Variants in RFX7 observed in about 807,000 individuals in gnomAD.
RFX7 encodes DNA-binding protein RFX7.
RFX7 carries 26 observed loss-of-function variants against 111.8 expected under a neutral mutation model. The observed-to-expected ratio is 0.23, with a 90% confidence interval of 0.17 to 0.32. The LOEUF is 0.32. Ranked by LOEUF, RFX7 falls within the 10% of genes least tolerant of loss-of-function variation. The pLI is 1.00. For missense variants in RFX7, 1,573 were observed against 1,772.9 expected (o/e 0.89, Z 2.02); for synonymous variants, 624 against 624.4 (o/e 1.00, Z 0.01).
chr15:56,112,786 A>G (rs774420618), intron 5 of RFX7, among the ~76,000 whole-genome samples: 1 of 152,150 alleles, frequency 6.6e-6, no homozygotes, highest in Non-Finnish European at 1.5e-5. Context: ...CAGAATTTAC[A>G]TGGGACTTAA....
chr15:56,114,277 G>T (rs535713523), intron 5 of RFX7, among the ~76,000 whole-genome samples: 2 of 151,962 alleles, frequency 1.3e-5, no homozygotes, highest in East Asian at 3.9e-4. Context: ...TGGGCATGGT[G>T]GTGGGCGCCT....
intron 3 of RFX7, among the ~76,000 whole-genome samples, chr15:56,170,718 C>T (rs2042836555): frequency 1.3e-5 from 2 of 152,170 alleles, no homozygotes; most frequent in Admixed American, 1.3e-4. Context: ...AACCACATTT[C>T]AAGTATTCGG....
At chr15:56,125,439 G>A (rs1209363840) in intron 5 of RFX7, among the ~76,000 whole-genome samples, 4 of 151,996 alleles carry the variant, frequency 2.6e-5, no homozygotes, top group Admixed American at 6.5e-5. Flanking sequence ...GACTGCTCTG[G>A]GTAGTATGGT....
At chr15:56,127,837 C>T (rs1208284556) in intron 5 of RFX7, among the ~76,000 whole-genome samples, 5 of 151,152 alleles carry the variant, frequency 3.3e-5, no homozygotes, top group African/African-American at 9.7e-5. Flanking sequence ...TGAGCCACTG[C>T]GCCCGGCCGA....
intron 4 of RFX7, among the ~76,000 whole-genome samples, chr15:56,144,010 G>A (rs545283371): frequency 6.6e-6 from 1 of 152,034 alleles, no homozygotes; most frequent in South Asian, 2.1e-4. Context: ...TTTATTTTCT[G>A]TTTTATATTC....
chr15:56,128,194 T>C (rs1191269620), intron 5 of RFX7, among the ~76,000 whole-genome samples: 1 of 152,172 alleles, frequency 6.6e-6, no homozygotes, highest in Non-Finnish European at 1.5e-5. Context: ...CAGTCTTTCA[T>C]AAACTCTTTG....
chr15:56,163,468 TC>T (rs1411574333), intron 3 of RFX7, among the ~76,000 whole-genome samples: 5 of 152,196 alleles, frequency 3.3e-5, no homozygotes, highest in African/African-American at 1.2e-4. Flanking sequence ...ACAACATTAT[TC>T]ATTTATATAT....
At chr15:56,150,059 T>C (rs2042547607) in intron 3 of RFX7, among the ~76,000 whole-genome samples, 1 of 152,036 alleles carries the variant, frequency 6.6e-6, no homozygotes, top group South Asian at 2.1e-4. Flanking sequence ...GGGTCGGCCA[T>C]TGCTGAAGCT....
In RFX7 at chr15:56,088,506, C is replaced by A. The variant is rs549573796; in HGVS notation, c.*4839G>T. Reference sequence around the variant, plus strand: ...CAAGAATTAAGTACTTCTTAAAAATCAAATCTTGAAAAATGTAGTCTTTTT... The same window carrying A: ...CAAGAATTAAGTACTTCTTAAAAATAAAATCTTGAAAAATGTAGTCTTTTT... On this transcript the variant is annotated 3_prime_UTR_variant, in exon 10 of 10. Transcript: ENST00000559447. The A allele has an allele frequency of 6.6e-6, 1 of 152,096 alleles. No homozygotes were observed. Among genetic ancestry groups the A allele is most frequent in the African/African-American group, 2.4e-5 (1 of 41,444 alleles). 9.4% of individuals were successfully genotyped at this position (152,096 alleles called of 1,614,324 possible). A position where few individuals can be genotyped will look rare whatever the true frequency, so the allele number is the denominator to read the frequency against.
Position 56,095,507 on chromosome 15 carries a change from C to G in RFX7, c.2221G>C (p.Asp741His). ...GTTGTTTGCTGTTCCAAAGCTGAAT[C>G]ACTGATAACAAGGGCAGAGGAATTC... ...PLNSSALVIS[D>H]SALEQQTTPS... Residue 741 changes from aspartate to histidine, a missense_variant, in exon 10 of 10, where the codon GAT becomes CAT. This residue lies in a region of RFX7 where 625 missense variants were observed against 632.2 expected (regional missense o/e 0.99). Transcript: ENST00000559447. 6.2e-7 allele frequency: 1 copy of G among 1,613,144 alleles called. No homozygotes were observed. The highest frequency in any genetic ancestry group is 8.5e-7 in the Non-Finnish European group (1 of 1,179,852).
At chr15:56,239,693 G>A (rs1041753714) in intron 2 of RFX7, among the ~76,000 whole-genome samples, 1 of 152,092 alleles carries the variant, frequency 6.6e-6, no homozygotes, top group Non-Finnish European at 1.5e-5. Flanking sequence ...GAATTCTGGG[G>A]GATTTTGGAT....
intron 3 of RFX7, among the ~76,000 whole-genome samples, chr15:56,165,919 T>C (rs907275963): frequency 6.6e-6 from 1 of 152,170 alleles, no homozygotes. Context: ...AGCCAGGTGA[T>C]AGGACAGGGT....
In RFX7 at chr15:56,095,709, C is replaced by T. The variant is rs771936606; in HGVS notation, c.2019G>A (p.Lys673=). 3 of 1,613,820 alleles carry T rather than the reference C, an allele frequency of 1.9e-6. No homozygotes were observed. Among genetic ancestry groups the T allele is most frequent in the Non-Finnish European group, 2.5e-6 (3 of 1,179,860 alleles). ...CTGAAAGCTGTTCCACAATTGGTTT[C>T]TTTACAGGAGGCACCTGGGTCTCCT... is the stretch of plus-strand genomic sequence containing the variant. ...TLQETQVPPV[K]KPIVEQLSAA... Residue 673 remains lysine, a synonymous_variant, in exon 10 of 10, where the codon AAG becomes AAA. Coordinates refer to ENST00000559447, the MANE Select transcript of RFX7 (RefSeq NM_022841.7).
intron 3 of RFX7, among the ~76,000 whole-genome samples, chr15:56,170,406 T>C (rs1387223646): frequency 1.3e-5 from 2 of 152,206 alleles, no homozygotes; most frequent in Non-Finnish European, 2.9e-5. Flanking sequence ...CTCAGCACTC[T>C]GACCTTTTGG....
chr15:56,143,320 T>C lies in RFX7; in HGVS notation c.279-420A>G, dbSNP rs147515322. 1.1e-3 allele frequency among the ~76,000 whole-genome samples: 165 copies of C among 148,326 alleles called. 1 individual carries two copies. The highest frequency in any genetic ancestry group is 3.9e-3 in the African/African-American group (157 of 40,274). On this transcript the variant is annotated intron_variant, in intron 4 of 9. Transcript: ENST00000559447. ...ATATATATATACACACATATATATA[T>C]ACACATGTATACACATACATATACA... is the stretch of plus-strand genomic sequence containing the variant.
At chr15:56,096,667 A>C (rs1288927995) in intron 9 of RFX7, 47 bp from the exon 10 acceptor site, 1 of 1,491,378 alleles carries the variant, frequency 6.7e-7, no homozygotes, top group African/African-American at 1.4e-5. Flanking sequence ...CTAGCCTGTA[A>C]ATAGTAATTC....
intron 3 of RFX7, among the ~76,000 whole-genome samples, chr15:56,148,551 G>A (rs1014857044): frequency 6.6e-6 from 1 of 152,138 alleles, no homozygotes; most frequent in South Asian, 2.1e-4. Context: ...ATCCTGCCAC[G>A]CAACCCCCTT....
chr15:56,176,369 A>C (rs1301500108), intron 3 of RFX7, among the ~76,000 whole-genome samples: 5 of 152,178 alleles, frequency 3.3e-5, no homozygotes, highest in African/African-American at 7.2e-5. Flanking sequence ...ATACGTAGTC[A>C]AACTGTTAAA....
At chr15:56,172,116 C>A (rs560371083) in intron 3 of RFX7, among the ~76,000 whole-genome samples, 89 of 152,084 alleles carry the variant, frequency 5.9e-4, no homozygotes, top group African/African-American at 2.1e-3. Context: ...AAATGGTCAA[C>A]AGAGTGAACT....
Sources: allele counts gnomAD v4.1 joint callset (sites outside exome capture counted in the v4.1 genomes callset), GRCh38; gene constraint gnomAD v4.1.1; regional missense constraint gnomAD v4.1.1; transcripts MANE v1.5; gene names NCBI Gene and HGNC (gene_info 2026-07-23, HGNC 2026-07-21).